Variants in C1QTNF7 observed in about 807,000 individuals in gnomAD.
C1QTNF7 encodes the protein C1q and TNF related 7, also known as complement C1q tumor necrosis factor-related protein 7.
Under a neutral mutation model 19.6 loss-of-function variants are expected in C1QTNF7, and 15 were observed. The ratio of observed to expected loss-of-function variants is 0.76; its 90% CI spans 0.51 to 1.18. C1QTNF7 has a LOEUF of 1.18. C1QTNF7 is among the 50% of genes most tolerant of loss of function. The pLI, the probability that C1QTNF7 is intolerant of heterozygous loss-of-function variation, is 0.00. For synonymous variants in C1QTNF7, 142 were observed against 137.5 expected, an observed-to-expected ratio of 1.03 and a Z score of -0.23; for missense variants, 324 against 359.7, an observed-to-expected ratio of 0.90 and a Z score of 0.80.
At chr4:15,403,851 A>G (rs529033369) in intron 1 of C1QTNF7, among the ~76,000 whole-genome samples, 2 of 152,294 alleles carry the variant, frequency 1.3e-5, no homozygotes, top group South Asian at 4.2e-4. Context: ...GTTTTGTTCA[A>G]ACAGGTTTTT....
At chr4:15,346,674 T>G (rs73799803) in intron 1 of C1QTNF7, among the ~76,000 whole-genome samples, 3,161 of 152,334 alleles carry the variant, frequency 0.021, 95 homozygotes, top group African/African-American at 0.072. Flanking sequence ...TGGAATCTTA[T>G]TAAGGGATTC....
At chr4:15,437,906 G>C (rs964915771) in intron 2 of C1QTNF7, among the ~76,000 whole-genome samples, 2 of 152,116 alleles carry the variant, frequency 1.3e-5, no homozygotes, top group East Asian at 3.9e-4. Context: ...TGGGTAGAAA[G>C]GTGGACAGTG....
At chr4:15,383,608 A>T (rs1391290080) in intron 1 of C1QTNF7, among the ~76,000 whole-genome samples, 1 of 152,364 alleles carries the variant, frequency 6.6e-6, no homozygotes, top group East Asian at 1.9e-4. Context: ...GTAGAAACCA[A>T]TGAAATTTAG....
chr4:15,369,653 C>A lies in C1QTNF7; in HGVS notation c.13+29446C>A, dbSNP rs190592258. Among the ~76,000 whole-genome samples the A allele has an allele frequency of 1.3e-3, 199 of 152,218 alleles. 1 individual carries two copies. The highest frequency in any genetic ancestry group is 4.6e-3 in the African/African-American group (190 of 41,556). ...GAAAACTGAGCAATTAACAGCCCAA[C>A]GAATAGCTAAAAATCTTTTGTGGTA... is the stretch of plus-strand genomic sequence containing the variant. On this transcript the variant is annotated intron_variant, in intron 1 of 2. Transcript: ENST00000295297.
chr4:15,419,542 C>T (rs1711639170), intron 1 of C1QTNF7, among the ~76,000 whole-genome samples: 1 of 151,948 alleles, frequency 6.6e-6, no homozygotes, highest in South Asian at 2.1e-4. Flanking sequence ...ACAGAGAGAA[C>T]AAAAATAACA....
At chr4:15,350,332 A>AAGG (rs1560337660) in intron 1 of C1QTNF7, among the ~76,000 whole-genome samples, 3 of 36,252 alleles carry the variant, frequency 8.3e-5, no homozygotes, top group Non-Finnish European at 4.6e-5. Flanking sequence ...AGGAGGAAAG[A>AAGG]AAGGAGGGAG....
At chr4:15,400,215 G>C (rs1718933259) in intron 1 of C1QTNF7, among the ~76,000 whole-genome samples, 1 of 152,164 alleles carries the variant, frequency 6.6e-6, no homozygotes, top group Non-Finnish European at 1.5e-5. Context: ...TAATTGTTGA[G>C]AGAATAAACA....
At position 15,394,850 on chromosome 4, in the gene C1QTNF7, T is replaced by C. The variant is rs150711914; in HGVS notation, c.14-40886T>C. Among the ~76,000 whole-genome samples the C allele has an allele frequency of 6.6e-5, 10 of 151,970 alleles. No individual in the cohort carries two copies. The East Asian group carries it at 2.0e-3, about 30-fold the overall frequency. On this transcript the variant is annotated intron_variant, in intron 1 of 2. Transcript: ENST00000295297. Reference sequence around the variant, plus strand: ...GCATCCCCAAGTGCCTTAGGATAGATATCGGCACCCAAGGGGATTCTCATT... The same window carrying C: ...GCATCCCCAAGTGCCTTAGGATAGACATCGGCACCCAAGGGGATTCTCATT...
intron 1 of C1QTNF7, among the ~76,000 whole-genome samples, chr4:15,360,120 C>T (rs1333366696): frequency 6.6e-6 from 1 of 152,116 alleles, no homozygotes; most frequent in African/African-American, 2.4e-5. Context: ...CAGAAAAGGC[C>T]TTCAAAGGCT....
chr4:15,363,970 T>G (rs1275932597), intron 1 of C1QTNF7, among the ~76,000 whole-genome samples: 2 of 152,206 alleles, frequency 1.3e-5, no homozygotes, highest in Admixed American at 6.5e-5. Flanking sequence ...AATGTTTTCT[T>G]CCCTTTCTCT....
At chr4:15,365,716 C>G (rs1292496839) in intron 1 of C1QTNF7, among the ~76,000 whole-genome samples, 1 of 152,172 alleles carries the variant, frequency 6.6e-6, no homozygotes, top group Non-Finnish European at 1.5e-5. Flanking sequence ...CTCCCTCTGA[C>G]TTCCTTCTGT....
At chr4:15,403,762 G>GAA (rs1719083260) in intron 1 of C1QTNF7, among the ~76,000 whole-genome samples, 1 of 152,154 alleles carries the variant, frequency 6.6e-6, no homozygotes, top group African/African-American at 2.4e-5. Context: ...TTTCTGAATG[G>GAA]TGTAACAACT....
intron 1 of C1QTNF7, among the ~76,000 whole-genome samples, chr4:15,379,303 C>T (rs995660833): frequency 3.9e-5 from 6 of 152,010 alleles, no homozygotes; most frequent in African/African-American, 9.7e-5. Context: ...TCTTGGGATC[C>T]GACACAATTT....
intron 1 of C1QTNF7, among the ~76,000 whole-genome samples, chr4:15,415,321 A>G (rs969834720): frequency 1.3e-5 from 2 of 152,214 alleles, no homozygotes; most frequent in African/African-American, 4.8e-5. Flanking sequence ...ATGAAGAGAA[A>G]TATTCAAAGA....
At chr4:15,361,776 A>G (rs531118278) in intron 1 of C1QTNF7, among the ~76,000 whole-genome samples, 1 of 152,272 alleles carries the variant, frequency 6.6e-6, no homozygotes, top group South Asian at 2.1e-4. Flanking sequence ...CCTAAATCTC[A>G]TATTAGACTA....
intron 1 of C1QTNF7, among the ~76,000 whole-genome samples, chr4:15,366,971 T>G (rs2109303271): frequency 6.6e-6 from 1 of 152,300 alleles, no homozygotes; most frequent in African/African-American, 2.4e-5. Flanking sequence ...GGCTTGAGAC[T>G]AGGTTCTTTT....
intron 1 of C1QTNF7, among the ~76,000 whole-genome samples, chr4:15,407,169 C>T (rs146051171): frequency 1.6e-4 from 25 of 152,106 alleles, no homozygotes; most frequent in South Asian, 4.2e-4. Context: ...GTGTGTCAGG[C>T]GGGTAACACC....
chr4:15,367,477 A>T (rs1717568690), intron 1 of C1QTNF7, among the ~76,000 whole-genome samples: 2 of 152,160 alleles, frequency 1.3e-5, no homozygotes, highest in Admixed American at 6.6e-5. Flanking sequence ...CGTTTTCCAC[A>T]AGTTGACTTT....
At chr4:15,423,616 C>G (rs1476163144), upstream of C1QTNF7, among the ~76,000 whole-genome samples, 1 of 152,204 alleles carries the variant, frequency 6.6e-6, no homozygotes, top group Non-Finnish European at 1.5e-5. Context: ...AACCTACTGA[C>G]CCCAGGATAA....
Sources: gnomAD v4.1 joint callset for allele counts (sites outside exome capture counted in the v4.1 genomes callset) on GRCh38, gnomAD v4.1.1 for gene constraint, MANE v1.5 for transcripts, NCBI Gene and HGNC (gene_info 2026-07-23, HGNC 2026-07-21) for gene names.